Variants in OSBP2 observed in about 807,000 individuals in gnomAD.
The protein encoded by OSBP2 is oxysterol binding protein 2.
Under a neutral mutation model 96.0 loss-of-function variants are expected in OSBP2, and 66 were observed. That is an observed-to-expected ratio of 0.69 (90% CI 0.56 to 0.84). The LOEUF (loss-of-function observed/expected upper bound fraction) is 0.84, where lower values mean the gene tolerates loss of function less well. OSBP2 is among the 40% of genes least tolerant of loss of function. The probability of loss-of-function intolerance (pLI) is 0.00; values close to 1 mark genes in which losing one functional copy is unlikely to be tolerated. For synonymous variants in OSBP2, 525 were observed against 520.9 expected (o/e 1.01, Z -0.11); for missense variants, 1,038 against 1,222.7 (o/e 0.85, Z 2.25).
At chr22:30,896,077 T>C (rs1412022170) in intron 12 of OSBP2, among the ~76,000 whole-genome samples, 1 of 150,838 alleles carries the variant, frequency 6.6e-6, no homozygotes, top group Non-Finnish European at 1.5e-5. Context: ...TAGAGTGCAG[T>C]GGCATGATCT....
Position 30,887,509 on chromosome 22 carries a change from G to T in OSBP2, c.1191G>T (p.Val397=). 1 of 1,613,804 alleles carries T rather than the reference G, an allele frequency of 6.2e-7. No homozygotes were observed. The highest frequency in any genetic ancestry group is 1.3e-5 in the African/African-American group (1 of 75,062). ...TGCAGTATGAGCAGGAGCAGCGCGT[G>T]CACTTGGAGGAAACCATTGAGCAGC... is the stretch of plus-strand genomic sequence containing the variant. ...RALQYEQEQR[V]HLEETIEQLA... The change falls in exon 4 of 14, where the codon GTG becomes GTT. Residue 397 remains valine (V), a synonymous_variant. Transcript: ENST00000332585.
intron 2 of OSBP2, among the ~76,000 whole-genome samples, chr22:30,864,393 T>A (rs2039286046): frequency 1.3e-5 from 2 of 152,188 alleles, no homozygotes; most frequent in African/African-American, 4.8e-5. Context: ...AATGGGGCTC[T>A]GGCAGAGGAG....
At chr22:30,835,407 A>G (rs995323138) in intron 2 of OSBP2, among the ~76,000 whole-genome samples, 4 of 152,122 alleles carry the variant, frequency 2.6e-5, no homozygotes, top group Admixed American at 2.0e-4. Context: ...CCATTTAATT[A>G]TCTTAGCACC....
At chr22:30,720,829 G>A (rs2089536908) in intron 1 of OSBP2, among the ~76,000 whole-genome samples, 1 of 152,214 alleles carries the variant, frequency 6.6e-6, no homozygotes, top group Non-Finnish European at 1.5e-5. Context: ...CAGAGGATGA[G>A]GAAGACATAG....
intron 12 of OSBP2, among the ~76,000 whole-genome samples, chr22:30,903,703 C>T (rs1236773651): frequency 2.3e-4 from 35 of 152,214 alleles, no homozygotes; most frequent in Admixed American, 2.2e-3. Context: ...TGGGGGATAG[C>T]GCCGGCACTG....
intron 2 of OSBP2, among the ~76,000 whole-genome samples, chr22:30,762,635 C>T (rs1409609124): frequency 1.3e-5 from 2 of 152,260 alleles, no homozygotes; most frequent in Non-Finnish European, 2.9e-5. Flanking sequence ...ACTGGCACAC[C>T]ATCTTGCTGC....
At chr22:30,719,128 C>T (rs1179152282) in intron 1 of OSBP2, among the ~76,000 whole-genome samples, 1 of 152,056 alleles carries the variant, frequency 6.6e-6, no homozygotes, top group African/African-American at 2.4e-5. Context: ...TTCTCTCCAG[C>T]CTGTACTTAC....
intron 3 of OSBP2, among the ~76,000 whole-genome samples, chr22:30,878,158 G>T (rs551394874): frequency 6.6e-6 from 1 of 152,370 alleles, no homozygotes; most frequent in African/African-American, 2.4e-5. Flanking sequence ...TGTGCTGACA[G>T]TGTTCTGCTT....
chr22:30,725,197 CA>C (rs113509824), intron 1 of OSBP2, among the ~76,000 whole-genome samples: 13 of 138,764 alleles, frequency 9.4e-5, no homozygotes, highest in Middle Eastern at 3.5e-3. Context: ...AACAAAAAAA[CA>C]AAAAAAAAAC....
rs367851434 is a variant in OSBP2, at chr22:30,905,719, G to A, written c.2376-118G>A. On this transcript the variant is annotated intron_variant, in intron 12 of 13. Transcript: ENST00000332585. ...CAAGGCCAGAGGGAGTCCTGGACGC[G>A]GGGAGCTGGAGGGTGAGGCGACCCG... is the stretch of plus-strand genomic sequence containing the variant. 104 of 1,430,954 alleles carry A rather than the reference G, an allele frequency of 7.3e-5. 1 individual carries two copies. In the East Asian group the frequency reaches 1.8e-3, roughly 25 times the overall value. 88.6% of individuals were successfully genotyped at this position (1,430,954 alleles called of 1,614,324 possible).
chr22:30,785,397 C>T (rs550618920), intron 2 of OSBP2, among the ~76,000 whole-genome samples: 102 of 151,876 alleles, frequency 6.7e-4, no homozygotes, highest in African/African-American at 2.3e-3. Context: ...GGTGAAACTC[C>T]ATCTCTACTA....
chr22:30,811,323 TTTTATTTATTTTATTTATTTATTTA>T (rs2091003311), intron 2 of OSBP2, among the ~76,000 whole-genome samples: 1 of 117,860 alleles, frequency 8.5e-6, no homozygotes, highest in Non-Finnish European at 1.7e-5. Context: ...TTTTTTTTAT[TTTTATTTATTTTATTTATTTATTTA>T]TTTATTTATT....
In OSBP2 at chr22:30,871,127, G is replaced by A. The variant is rs981375172; in HGVS notation, c.1107+445G>A. On this transcript the variant is annotated intron_variant, in intron 3 of 13. Coordinates refer to ENST00000332585, the MANE Select transcript of OSBP2 (RefSeq NM_030758.4). This position sits in a 1 kb window ranked among gnomAD's most constrained non-coding sequence, Gnocchi z 4.7. ...ACGCTGTGCACAACAAGGGGAGGGT[G>A]TGGTGGGGGGCTGCAGTCGAGGGCT... Among the ~76,000 whole-genome samples, 2 of 152,134 alleles carry A rather than the reference G, an allele frequency of 1.3e-5. No individual in the cohort carries two copies. The highest frequency in any genetic ancestry group is 1.3e-4 in the Admixed American group (2 of 15,286).
At chr22:30,860,850 A>G (rs995407614) in intron 2 of OSBP2, among the ~76,000 whole-genome samples, 2 of 152,308 alleles carry the variant, frequency 1.3e-5, no homozygotes, top group African/African-American at 4.8e-5. Context: ...GAATTGGAGC[A>G]GGCACCACTA....
At chr22:30,786,636 A>G (rs919136311) in intron 2 of OSBP2, among the ~76,000 whole-genome samples, 1 of 148,154 alleles carries the variant, frequency 6.7e-6, no homozygotes. Context: ...GAGGAGTACA[A>G]TTGAAAATGA....
chr22:30,790,313 G>A (rs752152332), intron 2 of OSBP2, among the ~76,000 whole-genome samples: 3 of 151,968 alleles, frequency 2.0e-5, no homozygotes, highest in Admixed American at 6.6e-5. Context: ...AGGGGGGGGC[G>A]GGGAAAGCAT....
intron 2 of OSBP2, chr22:30,822,444 G>C (rs1271976941): frequency 2.7e-6 from 3 of 1,119,234 alleles, no homozygotes; most frequent in South Asian, 6.3e-5. Context: ...CGGCGCGGAC[G>C]GGGTTAACGC....
chr22:30,905,473 A>G (rs1227762344), intron 12 of OSBP2, among the ~76,000 whole-genome samples: 1 of 152,108 alleles, frequency 6.6e-6, no homozygotes, highest in African/African-American at 2.4e-5. Flanking sequence ...CAGGCACTCC[A>G]GCCTGGGCAA....
At chr22:30,827,063 C>G (rs1204968927) in intron 2 of OSBP2, among the ~76,000 whole-genome samples, 2 of 152,082 alleles carry the variant, frequency 1.3e-5, no homozygotes, top group Admixed American at 6.6e-5. Flanking sequence ...AGGTGACACC[C>G]AGCTGTGTAT....
Sources: gnomAD v4.1 joint callset for allele counts (sites outside exome capture counted in the v4.1 genomes callset) on GRCh38, gnomAD v4.1.1 for gene constraint, Gnocchi (gnomAD v3.1) non-coding constraint, MANE v1.5 for transcripts, NCBI Gene and HGNC (gene_info 2026-07-23, HGNC 2026-07-21) for gene names.